The following JPH2 variants were observed in gnomAD, a reference collection of about 807,000 sequenced individuals.
The protein encoded by JPH2 is junctophilin-2.
JPH2 carries 38 observed loss-of-function variants against 55.9 expected under a neutral mutation model. The ratio of observed to expected loss-of-function variants is 0.68; its 90% confidence interval spans 0.52 to 0.89. The LOEUF (loss-of-function observed/expected upper bound fraction) is 0.89, where lower values mean the gene tolerates loss of function less well. Among genes scored for constraint, JPH2 ranks in the 40% least tolerant of loss-of-function variants. The pLI is 0.00. For missense variants in JPH2, 964 were observed against 1,037.6 expected (o/e 0.93, Z 0.97); for synonymous variants, 480 against 472.4 (o/e 1.02, Z -0.21).
intron 1 of JPH2, chr20:44,177,979 GA>G (rs1206955110): frequency 2.9e-6 from 3 of 1,030,894 alleles, no homozygotes; most frequent in South Asian, 1.3e-5. Flanking sequence ...ATCCCTAAAG[GA>G]AAAAAGGAAA....
At chr20:44,118,759 T>TCCAGGTACTCGGGAG (rs1327286273) in intron 2 of JPH2, 136 bp from the exon 3 acceptor site, 1 of 744,844 alleles carries the variant, frequency 1.3e-6, no homozygotes. Context: ...TTATTGAGCC[T>TCCAGGTACTCGGGAG]CATGGCCCAG....
chr20:44,130,365 G>T (rs2145849812), intron 2 of JPH2, among the ~76,000 whole-genome samples: 1 of 152,368 alleles, frequency 6.6e-6, no homozygotes, highest in African/African-American at 2.4e-5. Flanking sequence ...TTATATTCCT[G>T]ATATTCCTGC....
intron 1 of JPH2, among the ~76,000 whole-genome samples, chr20:44,165,847 T>C (rs2072652415): frequency 6.6e-6 from 1 of 152,174 alleles, no homozygotes; most frequent in South Asian, 2.1e-4. Context: ...TGTCATCTTC[T>C]CAGTGAAGCC....
At chr20:44,182,003 G>A (rs932683573) in intron 1 of JPH2, among the ~76,000 whole-genome samples, 1 of 152,192 alleles carries the variant, frequency 6.6e-6, no homozygotes, top group Non-Finnish European at 1.5e-5. Context: ...ATTAATAATA[G>A]GTAATAGTAA....
intron 2 of JPH2, among the ~76,000 whole-genome samples, chr20:44,157,854 C>T (rs1320332790): frequency 6.6e-6 from 1 of 151,114 alleles, no homozygotes; most frequent in Non-Finnish European, 1.5e-5. Context: ...AGGAGGATTG[C>T]TGCAGCCCCA....
rs950222646 is a variant in JPH2 at position 44,128,195 on chromosome 20, A to C, written c.1170-9572T>G. ...TTTTGCCTAATCCAAGGTCAAAAAA[A>C]TTTACTCATATTTTCATCTAAGAAT... On this transcript the variant is annotated intron_variant, in intron 2 of 5. Coordinates refer to ENST00000372980, the MANE Select transcript of JPH2 (RefSeq NM_020433.5). Among the ~76,000 whole-genome samples, 3 of 152,278 alleles carry C rather than the reference A, an allele frequency of 2.0e-5. No individual in the cohort carries two copies. The South Asian group carries it at 6.2e-4, about 32-fold the overall frequency.
intron 1 of JPH2, 124 bp downstream of exon 1, chr20:44,186,203 C>T: frequency 1.8e-6 from 2 of 1,141,250 alleles, no homozygotes; most frequent in Non-Finnish European, 2.5e-6. Flanking sequence ...CAAAACCACA[C>T]AGCAAATCAC....
intron 1 of JPH2, among the ~76,000 whole-genome samples, chr20:44,173,564 T>C (rs781029421): frequency 3.7e-4 from 56 of 152,352 alleles, no homozygotes; most frequent in Middle Eastern, 3.4e-3. Context: ...CCTACATTTA[T>C]TAAACTCTTC....
intron 1 of JPH2, among the ~76,000 whole-genome samples, chr20:44,181,018 A>G (rs534060853): frequency 6.6e-6 from 1 of 151,856 alleles, no homozygotes; most frequent in African/African-American, 2.4e-5. Flanking sequence ...TTTGCTATAT[A>G]TGGCCAGGGG....
At chr20:44,165,630 C>G (rs6073354) in intron 1 of JPH2, among the ~76,000 whole-genome samples, 41 of 152,044 alleles carry the variant, frequency 2.7e-4, no homozygotes, top group African/African-American at 9.4e-4. Flanking sequence ...CCTACCTGAC[C>G]TCATCCCCAT....
intron 2 of JPH2, among the ~76,000 whole-genome samples, chr20:44,122,872 C>T (rs2072248306): frequency 6.6e-6 from 1 of 152,144 alleles, no homozygotes; most frequent in Non-Finnish European, 1.5e-5. Context: ...TTTTTAGAGC[C>T]ACTTCTCTGG....
rs1318779752 is a variant in JPH2, at chr20:44,108,343, T to G, written c.*5175A>C. On this transcript the variant is annotated 3_prime_UTR_variant, in exon 6 of 6. Coordinates refer to ENST00000372980, the MANE Select transcript of JPH2 (RefSeq NM_020433.5). Reference sequence around the variant, plus strand: ...CAATGTGACTTGAGTAGAATAGCTTTCAGTGAGTTCTGTGAGTCTTTCTAG... The same window carrying G: ...CAATGTGACTTGAGTAGAATAGCTTGCAGTGAGTTCTGTGAGTCTTTCTAG... Among the ~76,000 whole-genome samples the G allele has an allele frequency of 1.3e-5, 2 of 152,170 alleles. No individual in the cohort carries two copies. Among genetic ancestry groups the G allele is most frequent in the Non-Finnish European group, 2.9e-5 (2 of 68,024 alleles).
chr20:44,144,558 G>A lies in JPH2; in HGVS notation c.1169+15060C>T, dbSNP rs116113947. Among the ~76,000 whole-genome samples, 413 of 152,300 alleles carry A rather than the reference G, an allele frequency of 2.7e-3. 4 individuals carry two copies. Among genetic ancestry groups the A allele is most frequent in the African/African-American group, 9.4e-3 (389 of 41,560 alleles). ...CTCGATTCCTCAGCTTCCCCAGCCT[G>A]CACTCTCAGTCGCTCTACCATTCGA... On this transcript the variant is annotated intron_variant, in intron 2 of 5. Transcript: ENST00000372980.
At chr20:44,124,832 G>A (rs914267257) in intron 2 of JPH2, among the ~76,000 whole-genome samples, 1 of 151,864 alleles carries the variant, frequency 6.6e-6, no homozygotes, top group Non-Finnish European at 1.5e-5. Flanking sequence ...GTAAGGCCAG[G>A]CATGGTGGCT....
At chr20:44,139,374 A>C (rs771079667) in intron 2 of JPH2, among the ~76,000 whole-genome samples, 2 of 152,160 alleles carry the variant, frequency 1.3e-5, no homozygotes, top group Non-Finnish European at 2.9e-5. Flanking sequence ...CCATGGGTGG[A>C]AATATTGATC....
rs1355905335 is a variant in JPH2, at chr20:44,159,887, G to T, written c.900C>A (p.Arg300=). Residue 300 remains arginine, a synonymous_variant, in exon 2 of 6, where the codon CGC becomes CGA. Coordinates refer to ENST00000372980, the MANE Select transcript of JPH2 (RefSeq NM_020433.5). The surrounding 1 kb of genome is among the most constrained non-coding windows in gnomAD (Gnocchi z 5.7). ...TYMGEWKNDK[R]SGFGVSERSS... ...AGCGTTCGCTCACGCCGAAGCCCGA[G>T]CGTTTGTCGTTCTTCCACTCGCCCA... The T allele has an allele frequency of 6.2e-7, 1 of 1,613,324 alleles. No individual in the cohort carries two copies. Among genetic ancestry groups the T allele is most frequent in the Non-Finnish European group, 8.5e-7 (1 of 1,179,848 alleles).
Position 44,107,836 on chromosome 20 carries a change from T to TTTTTGTCCTGA in JPH2, c.*5681_*5682insTCAGGACAAAA, listed in dbSNP as rs1166297809. Among the ~76,000 whole-genome samples the TTTTTGTCCTGA allele has an allele frequency of 6.6e-6, 1 of 152,164 alleles. No individual in the cohort carries two copies. Among genetic ancestry groups the TTTTTGTCCTGA allele is most frequent in the Non-Finnish European group, 1.5e-5 (1 of 68,032 alleles). ...ACTGGGCCTTGAGGGAGAGGTCTGA[T>TTTTTGTCCTGA]TTTTGTCCTGGCTCCTAGGAAGTAA... On this transcript the variant is annotated 3_prime_UTR_variant, in exon 6 of 6. Transcript: ENST00000372980.
intron 1 of JPH2, among the ~76,000 whole-genome samples, chr20:44,173,581 G>A (rs866857644): frequency 8.5e-5 from 13 of 152,090 alleles, no homozygotes; most frequent in African/African-American, 3.1e-4. Context: ...CTTCCTCTAC[G>A]ATAATACCAT....
At chr20:44,164,563 G>T (rs117009635) in intron 1 of JPH2, among the ~76,000 whole-genome samples, 1,942 of 152,294 alleles carry the variant, frequency 0.013, 24 homozygotes, top group Non-Finnish European at 0.02. Flanking sequence ...TGCAAGAAAA[G>T]AGAGCAGGCT....
Sources: gnomAD v4.1 joint callset for allele counts (sites outside exome capture counted in the v4.1 genomes callset) on GRCh38, gnomAD v4.1.1 for gene constraint, Gnocchi (gnomAD v3.1) non-coding constraint, MANE v1.5 for transcripts, NCBI Gene and HGNC (gene_info 2026-07-23, HGNC 2026-07-21) for gene names.